Variants in CDYL observed in about 807,000 individuals in gnomAD.
CDYL encodes the protein chromodomain Y-like protein.
A neutral mutation model predicts 47.3 loss-of-function variants in CDYL; 8 were observed. That is an observed-to-expected ratio of 0.17 (90% CI 0.10 to 0.31). The LOEUF is 0.31. Among genes scored for constraint, CDYL ranks in the 10% least tolerant of loss-of-function variants. The pLI, the probability that CDYL is intolerant of heterozygous loss-of-function variation, is 1.00. For synonymous variants in CDYL, 266 were observed against 265.0 expected (o/e 1.00, Z -0.04); for missense variants, 471 against 701.4 (o/e 0.67, Z 3.71).
chr6:4,817,873 G>A (rs1480456851), intron 1 of CDYL, among the ~76,000 whole-genome samples: 1 of 152,138 alleles, frequency 6.6e-6, no homozygotes, highest in Non-Finnish European at 1.5e-5. Context: ...AAACGTTTAG[G>A]CATTGGCACT....
intron 5 of CDYL, among the ~76,000 whole-genome samples, chr6:4,948,621 C>T (rs1021635709): frequency 1.3e-5 from 2 of 152,180 alleles, no homozygotes; most frequent in Non-Finnish European, 2.9e-5. Context: ...TGGGGTACTG[C>T]TCGGCACCCT....
intron 2 of CDYL, among the ~76,000 whole-genome samples, chr6:4,720,220 G>A (rs964588557): frequency 5.3e-5 from 8 of 152,164 alleles, no homozygotes; most frequent in African/African-American, 1.7e-4. Context: ...GGAGGGAGGA[G>A]GAGTGCAAAA....
At chr6:4,899,508 G>A (rs191022231) in intron 2 of CDYL, among the ~76,000 whole-genome samples, 2 of 152,332 alleles carry the variant, frequency 1.3e-5, no homozygotes, top group East Asian at 3.9e-4. Context: ...AAAATGTGGG[G>A]AGGTGGATAT....
At chr6:4,715,809 T>C (rs1219867736) in exon 2 of CDYL, 2 of 1,614,092 alleles carry the variant, frequency 1.2e-6, no homozygotes, top group Non-Finnish European at 1.7e-6. Context: ...CAGGTCAGCC[T>C]GGGGAAAAAG....
chr6:4,776,922 C>T (rs899347080), intron 1 of CDYL, 115 bp downstream of exon 1: 1 of 321,986 alleles, frequency 3.1e-6, no homozygotes, highest in Non-Finnish European at 4.5e-6. Flanking sequence ...CCTCCCCCGC[C>T]GCGGCCGCAG....
At chr6:4,715,942 C>A in intron 2 of CDYL, 1 of 1,566,356 alleles carries the variant, frequency 6.4e-7, no homozygotes, top group African/African-American at 1.4e-5. Flanking sequence ...TAGAGAGGCC[C>A]CTTTTATTTA....
chr6:4,903,319 C>T (rs534732785), intron 2 of CDYL, among the ~76,000 whole-genome samples: 7 of 152,204 alleles, frequency 4.6e-5, no homozygotes, highest in African/African-American at 1.7e-4. Context: ...TCCCAGTGCT[C>T]AAGGGAACTT....
chr6:4,786,163 GGGA>G (rs1206012336), intron 1 of CDYL, among the ~76,000 whole-genome samples: 1 of 152,210 alleles, frequency 6.6e-6, no homozygotes, highest in Non-Finnish European at 1.5e-5. Context: ...GGAGGTGGGA[GGGA>G]GGAGGAAATG....
intron 2 of CDYL, among the ~76,000 whole-genome samples, chr6:4,716,989 T>C (rs1265679079): frequency 6.6e-6 from 1 of 152,066 alleles, no homozygotes; most frequent in Non-Finnish European, 1.5e-5. Flanking sequence ...TGGGAAAGAC[T>C]TGGTGGAGGT....
intron 1 of CDYL, among the ~76,000 whole-genome samples, chr6:4,886,902 C>CAA: frequency 6.6e-6 from 1 of 152,136 alleles, no homozygotes; most frequent in South Asian, 2.1e-4. Flanking sequence ...TCCAACTTGC[C>CAA]TCTTTGGCAT....
intron 2 of CDYL, among the ~76,000 whole-genome samples, chr6:4,928,916 G>A (rs1229110313): frequency 6.6e-6 from 1 of 151,942 alleles, no homozygotes; most frequent in Non-Finnish European, 1.5e-5. Context: ...ATGAAAGCAG[G>A]GGAGACATTG....
intron 4 of CDYL, among the ~76,000 whole-genome samples, chr6:4,942,210 A>G (rs1334485646): frequency 6.6e-6 from 1 of 152,148 alleles, no homozygotes; most frequent in East Asian, 1.9e-4. Flanking sequence ...GCTCAATGCA[A>G]AGATCCCACA....
chr6:4,764,950 G>A (rs983201706), intron 3 of CDYL, among the ~76,000 whole-genome samples: 7 of 152,118 alleles, frequency 4.6e-5, no homozygotes, highest in African/African-American at 1.4e-4. Context: ...TAAAACTTAA[G>A]CAATTTTGTG....
intron 1 of CDYL, among the ~76,000 whole-genome samples, chr6:4,868,891 G>A (rs1467269171): frequency 1.3e-5 from 2 of 152,108 alleles, no homozygotes; most frequent in East Asian, 3.9e-4. Context: ...TTACCATTAT[G>A]AAATGTTTCT....
At chr6:4,754,797 C>A (rs996802780) in intron 3 of CDYL, among the ~76,000 whole-genome samples, 2 of 152,148 alleles carry the variant, frequency 1.3e-5, no homozygotes, top group Admixed American at 1.3e-4. Context: ...AATATGTACT[C>A]TTGAATCATA....
chr6:4,864,057 T>C (rs889573071), intron 1 of CDYL, among the ~76,000 whole-genome samples: 1 of 152,210 alleles, frequency 6.6e-6, no homozygotes, highest in Non-Finnish European at 1.5e-5. Context: ...TGAGGGTCTG[T>C]AATGACACTG....
At chr6:4,760,500 A>G (rs1210651259) in intron 3 of CDYL, among the ~76,000 whole-genome samples, 3 of 152,120 alleles carry the variant, frequency 2.0e-5, no homozygotes, top group African/African-American at 7.2e-5. Context: ...CTGGTTCATC[A>G]TGGATTGGTC....
intron 2 of CDYL, among the ~76,000 whole-genome samples, chr6:4,893,332 T>TC (rs1230462704): frequency 6.6e-6 from 1 of 152,206 alleles, no homozygotes; most frequent in Non-Finnish European, 1.5e-5. Flanking sequence ...TCCCTTCCTC[T>TC]CCATCTGCTC....
chr6:4,951,427 GACCTT>G (rs1758701438), intron 5 of CDYL, among the ~76,000 whole-genome samples: 1 of 152,014 alleles, frequency 6.6e-6, no homozygotes, highest in East Asian at 1.9e-4. Flanking sequence ...GTTGTACTGA[GACCTT>G]AAAAGTGATC....
Sources: gnomAD v4.1 joint callset for allele counts (sites outside exome capture counted in the v4.1 genomes callset) on GRCh38, gnomAD v4.1.1 for gene constraint, MANE v1.5 for transcripts, NCBI Gene and HGNC (gene_info 2026-07-23, HGNC 2026-07-21) for gene names.